The following PTPRN2 variants were observed in gnomAD, a reference collection of about 807,000 sequenced individuals.
PTPRN2 encodes protein tyrosine phosphatase receptor type N2, also known as receptor-type tyrosine-protein phosphatase N2.
In PTPRN2, 74 loss-of-function variants were observed where a neutral mutation model predicts 118.8. That is an observed-to-expected ratio of 0.62 (90% confidence interval 0.52 to 0.76). The LOEUF (loss-of-function observed/expected upper bound fraction) is 0.76, where lower values mean the gene tolerates loss of function less well. Ranked by LOEUF, PTPRN2 falls within the 30% of genes least tolerant of loss-of-function variation. PTPRN2 has a pLI of 0.00. For missense variants in PTPRN2, 1,481 were observed against 1,394.4 expected (o/e 1.06, Z -0.99); for synonymous variants, 641 against 608.0 (o/e 1.05, Z -0.80).
At chr7:157,613,968 CT>C in intron 15 of PTPRN2, 1 of 468,528 alleles carries the variant, frequency 2.1e-6, no homozygotes, top group South Asian at 1.6e-5. Context: ...ACAACTGTGA[CT>C]CTGTGAGCTC....
intron 11 of PTPRN2, chr7:158,029,254 C>T (rs898036952): frequency 6.6e-6 from 1 of 151,858 alleles, no homozygotes; most frequent in Non-Finnish European, 1.5e-5. Flanking sequence ...GCCGGGGGCA[C>T]GGGGTCCGTA....
At chr7:158,309,371 T>C (rs998364657) in intron 3 of PTPRN2, among the ~76,000 whole-genome samples, 1 of 94,644 alleles carries the variant, frequency 1.1e-5, no homozygotes, top group Non-Finnish European at 2.4e-5. Context: ...CCCTGCGGGA[T>C]GCTTCCTGCC....
chr7:158,525,334 A>C lies in PTPRN2; in HGVS notation c.113-35549T>G, dbSNP rs1325999256. ...TGCAACAAAACCGTGAGACCCGAGC[A>C]GAAGCTGCAGCAGAAGGTAGCACGG... On this transcript the variant is annotated intron_variant, in intron 1 of 22. Transcript: ENST00000389418. This position sits in a 1 kb window ranked among gnomAD's most constrained non-coding sequence, Gnocchi z 4.1. Among the ~76,000 whole-genome samples the C allele has an allele frequency of 3.9e-5, 6 of 152,230 alleles. No homozygotes were observed. The highest frequency in any genetic ancestry group is 7.2e-5 in the African/African-American group (3 of 41,458).
intron 1 of PTPRN2, among the ~76,000 whole-genome samples, chr7:158,511,276 C>T (rs1269017825): frequency 6.6e-6 from 1 of 152,174 alleles, no homozygotes; most frequent in East Asian, 1.9e-4. Context: ...GCTATTTGCA[C>T]TTCAAGTTTT....
intron 11 of PTPRN2, among the ~76,000 whole-genome samples, chr7:157,999,479 T>C (rs1189166616): frequency 6.6e-6 from 1 of 152,150 alleles, no homozygotes; most frequent in Non-Finnish European, 1.5e-5. Flanking sequence ...GTTCTCTCAC[T>C]CTTGCCCACT....
intron 1 of PTPRN2, among the ~76,000 whole-genome samples, chr7:158,585,952 T>TA (rs1488031996): frequency 1.3e-5 from 2 of 152,226 alleles, no homozygotes; most frequent in African/African-American, 4.8e-5. Context: ...CAGCTGGGCC[T>TA]TCTTTCCTGA....
chr7:158,555,134 G>A lies in PTPRN2; in HGVS notation c.112+32424C>T, dbSNP rs965029733. ...AGTGGAATGAGAGGAAAGCCTGTGAGAACAAACGGATCTCCGGTGCTCAGC... is the reference window on the plus strand; with the variant it reads ...AGTGGAATGAGAGGAAAGCCTGTGAAAACAAACGGATCTCCGGTGCTCAGC... On this transcript the variant is annotated intron_variant, in intron 1 of 22. Transcript: ENST00000389418. This position sits in a 1 kb window ranked among gnomAD's most constrained non-coding sequence, Gnocchi z 4.7. Among the ~76,000 whole-genome samples, 13 of 152,198 alleles carry A rather than the reference G, an allele frequency of 8.5e-5. No homozygotes were observed. The highest frequency in any genetic ancestry group is 5.9e-5 in the Non-Finnish European group (4 of 68,040).
intron 6 of PTPRN2, among the ~76,000 whole-genome samples, chr7:158,143,354 C>T (rs991542549): frequency 1.4e-4 from 22 of 152,166 alleles, no homozygotes; most frequent in East Asian, 1.9e-4. Context: ...CGGCAGGAAC[C>T]GGCACAGCTG....
chr7:158,323,016 C>G (rs1803168039), intron 2 of PTPRN2, among the ~76,000 whole-genome samples: 1 of 152,228 alleles, frequency 6.6e-6, no homozygotes, highest in Admixed American at 6.5e-5. Flanking sequence ...CCGGCAGCAG[C>G]AACCAGGCCT....
Position 157,622,908 on chromosome 7 carries a change from G to A in PTPRN2, c.2197-1399C>T, listed in dbSNP as rs928718770. Among the ~76,000 whole-genome samples the A allele has an allele frequency of 6.6e-6, 1 of 152,178 alleles. No homozygotes were observed. Among genetic ancestry groups the A allele is most frequent in the Non-Finnish European group, 1.5e-5 (1 of 68,034 alleles). The stretch of plus-strand genomic sequence containing the variant: ...GAACGCTTTTCCCCCACCACACCTT[G>A]AGCCTTGGGAGCACACCTGCGCCAG... On this transcript the variant is annotated intron_variant, in intron 14 of 22. Coordinates refer to ENST00000389418, the MANE Select transcript of PTPRN2 (RefSeq NM_002847.5). The surrounding 1 kb of genome is among the most constrained non-coding windows in gnomAD (Gnocchi z 5.3).
At chr7:158,220,882 A>G (rs1340881906) in intron 3 of PTPRN2, among the ~76,000 whole-genome samples, 1 of 125,966 alleles carries the variant, frequency 7.9e-6, no homozygotes, top group African/African-American at 3.2e-5. Context: ...ATATGGATCC[A>G]AAAAAAAAAA....
At chr7:157,738,596 T>G (rs983525530) in intron 12 of PTPRN2, among the ~76,000 whole-genome samples, 1 of 152,230 alleles carries the variant, frequency 6.6e-6, no homozygotes, top group Non-Finnish European at 1.5e-5. Flanking sequence ...ACAAAATCCA[T>G]GTTTTTTCAT....
intron 1 of PTPRN2, among the ~76,000 whole-genome samples, chr7:158,530,484 T>A (rs922052115): frequency 1.5e-4 from 23 of 152,030 alleles, no homozygotes; most frequent in African/African-American, 5.1e-4. Context: ...CTGGAGCAGG[T>A]TTCATGCACT....
Position 157,689,951 on chromosome 7 carries a change from C to A in PTPRN2, c.1789-7014G>T, listed in dbSNP as rs375644081. On this transcript the variant is annotated intron_variant, in intron 12 of 22. Transcript: ENST00000389418. ...CAAAATGGGCTGAGAGGAAAATGCG[C>A]CCACACTGGCGCCTCTCCATCCTGG... Among the ~76,000 whole-genome samples, 53 of 152,328 alleles carry A rather than the reference C, an allele frequency of 3.5e-4. 1 individual carries two copies. In the East Asian group the frequency reaches 8.5e-3, roughly 24 times the overall value.
intron 12 of PTPRN2, among the ~76,000 whole-genome samples, chr7:157,734,310 C>T (rs1585336611): frequency 7.1e-6 from 1 of 140,238 alleles, no homozygotes; most frequent in Non-Finnish European, 1.5e-5. Context: ...AGTTACTCTT[C>T]CGTCCCATGC....
At chr7:158,280,122 G>C (rs1413914737) in intron 3 of PTPRN2, among the ~76,000 whole-genome samples, 1 of 152,108 alleles carries the variant, frequency 6.6e-6, no homozygotes, top group Non-Finnish European at 1.5e-5. Flanking sequence ...TGCTTTAACT[G>C]GCCTGTCAAA....
At chr7:158,013,734 T>TCCCCCCCCCCCCCCCCCCCCCCCCCC (rs1806219777) in intron 11 of PTPRN2, among the ~76,000 whole-genome samples, 1 of 75,206 alleles carries the variant, frequency 1.3e-5, no homozygotes. Flanking sequence ...CACCCACTCA[T>TCCCCCCCCCCCCCCCCCCCCCCCCCC]CCACCCACCC....
chr7:158,573,469 T>C (rs1466658642), intron 1 of PTPRN2, among the ~76,000 whole-genome samples: 4 of 152,112 alleles, frequency 2.6e-5, no homozygotes, highest in Admixed American at 2.6e-4. Flanking sequence ...CTAGAAGCGG[T>C]CTGGAGGAGT....
intron 6 of PTPRN2, among the ~76,000 whole-genome samples, chr7:158,149,574 G>T (rs564683919): frequency 2.6e-5 from 4 of 152,134 alleles, no homozygotes; most frequent in Non-Finnish European, 5.9e-5. Context: ...GGTCCGAGGT[G>T]GGTGGATCAC....
Sources: gnomAD v4.1 joint callset for allele counts (sites outside exome capture counted in the v4.1 genomes callset) on GRCh38, gnomAD v4.1.1 for gene constraint, Gnocchi (gnomAD v3.1) non-coding constraint, MANE v1.5 for transcripts, NCBI Gene and HGNC (gene_info 2026-07-23, HGNC 2026-07-21) for gene names.